The following CDIN1 variants were observed in gnomAD, a reference collection of about 807,000 sequenced individuals.
CDIN1 encodes CDAN1-interacting nuclease 1.
CDIN1 carries 33 observed loss-of-function variants against 45.3 expected under a neutral mutation model. The ratio of observed to expected loss-of-function variants is 0.73; its 90% CI spans 0.55 to 0.97. The LOEUF (loss-of-function observed/expected upper bound fraction) is 0.97. Among genes scored for constraint, CDIN1 ranks in the 50% least tolerant of loss-of-function variants. The pLI, the probability that CDIN1 is intolerant of heterozygous loss-of-function variation, is 0.00. For synonymous variants in CDIN1, 118 were observed against 124.4 expected, an observed-to-expected ratio of 0.95 and a Z score of 0.34; for missense variants, 303 against 339.4, an observed-to-expected ratio of 0.89 and a Z score of 0.84.
At chr15:36,636,943 C>T (rs752170965) in intron 1 of CDIN1, among the ~76,000 whole-genome samples, 27 of 152,070 alleles carry the variant, frequency 1.8e-4, no homozygotes, top group Non-Finnish European at 2.9e-4. Context: ...TTGAAAAGTA[C>T]GCAAGAATGG....
intron 10 of CDIN1, among the ~76,000 whole-genome samples, chr15:36,750,024 C>T (rs764264809): frequency 1.3e-5 from 2 of 152,124 alleles, no homozygotes; most frequent in Non-Finnish European, 2.9e-5. Flanking sequence ...CAGACCCAGT[C>T]ACCTGAGCAC....
At chr15:36,708,629 T>G (rs2042952392) in intron 8 of CDIN1, 1 of 152,222 alleles carries the variant, frequency 6.6e-6, no homozygotes, top group East Asian at 1.9e-4. Context: ...TAAAATTGCT[T>G]TTCAGAATTA....
At chr15:36,775,215 C>T (rs1190097312) in intron 10 of CDIN1, among the ~76,000 whole-genome samples, 2 of 152,136 alleles carry the variant, frequency 1.3e-5, no homozygotes, top group African/African-American at 2.4e-5. Context: ...TCCAAAGAAA[C>T]GGGAAGAAAC....
rs1376757055 is a variant in CDIN1 at position 36,745,173 on chromosome 15, T to C, written c.716+35212T>C. ...GGAAAAAATTGCACTTTTCCAAGCA[T>C]TTGTAGAGCTGTGATTCATTTTTAC... On this transcript the variant is annotated intron_variant, in intron 10 of 10. Coordinates refer to ENST00000566621, the MANE Select transcript of CDIN1 (RefSeq NM_001321759.2). 4.6e-5 allele frequency among the ~76,000 whole-genome samples: 7 copies of C among 152,286 alleles called. No individual in the cohort carries two copies. The East Asian group carries it at 9.6e-4, about 21-fold the overall frequency.
intron 1 of CDIN1, among the ~76,000 whole-genome samples, chr15:36,619,953 C>T (rs925856950): frequency 2.0e-5 from 3 of 151,598 alleles, no homozygotes; most frequent in Admixed American, 1.3e-4. Context: ...GTCTTTTTGA[C>T]CTTACTAATA....
At chr15:36,703,227 T>C (rs1217651111) in intron 8 of CDIN1, among the ~76,000 whole-genome samples, 1 of 126,062 alleles carries the variant, frequency 7.9e-6, no homozygotes, top group East Asian at 2.8e-4. Flanking sequence ...CAAATATATA[T>C]ATATATCAGA....
At position 36,696,946 on chromosome 15, in the gene CDIN1, T is replaced by TAA. The variant is rs1163749494; in HGVS notation, c.477-353_477-352dup. Among the ~76,000 whole-genome samples, 698 of 92,172 alleles carry TAA rather than the reference T, an allele frequency of 7.6e-3. 10 individuals carry two copies. The highest frequency in any genetic ancestry group is 9.9e-3 in the African/African-American group (232 of 23,474). 60.5% of individuals were successfully genotyped at this position (92,172 alleles called of 152,430 possible). A position where few individuals can be genotyped will look rare whatever the true frequency, so the allele number is the denominator to read the frequency against. ...GAGCAACATAGTGCGATTCCATTTC[T>TAA]AAAAAAAAAAAAAAAAAAAAAAAAA... On this transcript the variant is annotated intron_variant, in intron 7 of 10. Transcript: ENST00000566621.
In CDIN1 at chr15:36,728,069, A is replaced by G. The variant is rs191140796; in HGVS notation, c.716+18108A>G. Among the ~76,000 whole-genome samples the G allele has an allele frequency of 2.0e-5, 3 of 152,336 alleles. No homozygotes were observed. In the East Asian group the frequency reaches 5.8e-4, roughly 29 times the overall value. Reference sequence around the variant, plus strand: ...AGAGGAAGATGATCCTACCAAAAGGAAAAACAAAGCTCCCAAGTATTCTTA... The same window carrying G: ...AGAGGAAGATGATCCTACCAAAAGGGAAAACAAAGCTCCCAAGTATTCTTA... On this transcript the variant is annotated intron_variant, in intron 10 of 10. Coordinates refer to ENST00000566621, the MANE Select transcript of CDIN1 (RefSeq NM_001321759.2).
chr15:36,610,356 A>G (rs2038589494), intron 1 of CDIN1, among the ~76,000 whole-genome samples: 1 of 152,210 alleles, frequency 6.6e-6, no homozygotes, highest in African/African-American at 2.4e-5. Flanking sequence ...TAGATTCTTA[A>G]ATTGTGCCTT....
chr15:36,695,861 G>A (rs1003862641), intron 7 of CDIN1, among the ~76,000 whole-genome samples: 1 of 151,642 alleles, frequency 6.6e-6, no homozygotes, highest in Non-Finnish European at 1.5e-5. Context: ...AAAAAGAGGC[G>A]GGGGACTAAT....
chr15:36,727,171 A>G (rs971549103), intron 10 of CDIN1, among the ~76,000 whole-genome samples: 2 of 152,234 alleles, frequency 1.3e-5, no homozygotes, highest in South Asian at 4.1e-4. Context: ...GTCACTAATC[A>G]TGCTGTTTTT....
chr15:36,617,599 G>A, intron 1 of CDIN1: 1 of 775,646 alleles, frequency 1.3e-6, no homozygotes. Flanking sequence ...CACAGACCCT[G>A]ATGTAATTCT....
chr15:36,796,490 A>T lies in CDIN1; in HGVS notation c.717-11834A>T, dbSNP rs535238665. On this transcript the variant is annotated intron_variant, in intron 10 of 10. Transcript: ENST00000566621. ...ACTGCAGAATGATTCACAAAACCTC[A>T]AGAATGACAGGTAAGATATTTTCCA... Among the ~76,000 whole-genome samples the T allele has an allele frequency of 3.9e-5, 6 of 152,288 alleles. No homozygotes were observed. In the South Asian group the frequency reaches 1.2e-3, roughly 32 times the overall value.
At chr15:36,691,813 A>C (rs1288003279) in intron 6 of CDIN1, 49 bp downstream of exon 6, 1 of 1,339,210 alleles carries the variant, frequency 7.5e-7, no homozygotes, top group Non-Finnish European at 1.1e-6. Context: ...TTATCTGCCT[A>C]GCAGAGTAAA....
chr15:36,715,944 T>C (rs563244440), intron 10 of CDIN1, among the ~76,000 whole-genome samples: 1 of 152,308 alleles, frequency 6.6e-6, no homozygotes, highest in South Asian at 2.1e-4. Context: ...AACAAGACTT[T>C]TCTAAGTGAG....
chr15:36,662,465 GGT>G (rs2041053434), intron 5 of CDIN1, among the ~76,000 whole-genome samples: 1 of 6,556 alleles, frequency 1.5e-4, no homozygotes, highest in Non-Finnish European at 3.2e-4. Flanking sequence ...ATCAAAAGAT[GGT>G]ACAATCATCT....
chr15:36,707,038 A>C (rs1465558095), intron 8 of CDIN1: 1 of 151,836 alleles, frequency 6.6e-6, no homozygotes, highest in Admixed American at 6.6e-5. Context: ...CCAAGTTGTT[A>C]CCTCGTCCTT....
At chr15:36,602,669 A>G (rs2038162546) in intron 1 of CDIN1, among the ~76,000 whole-genome samples, 1 of 152,178 alleles carries the variant, frequency 6.6e-6, no homozygotes, top group Non-Finnish European at 1.5e-5. Flanking sequence ...GTGGTTCTAA[A>G]GTGATTCTTA....
chr15:36,658,023 C>G, intron 5 of CDIN1, 118 bp downstream of exon 5: 1 of 742,680 alleles, frequency 1.3e-6, no homozygotes, highest in African/African-American at 1.8e-5. Flanking sequence ...CTATCATGAA[C>G]AGTTAATGAC....
Sources: gnomAD v4.1 joint callset for allele counts (sites outside exome capture counted in the v4.1 genomes callset) on GRCh38, gnomAD v4.1.1 for gene constraint, MANE v1.5 for transcripts, NCBI Gene and HGNC (gene_info 2026-07-23, HGNC 2026-07-21) for gene names.